HADHB: variants seen among roughly 807,000 people sequenced by gnomAD.
HADHB encodes trifunctional enzyme subunit beta, mitochondrial.
A neutral mutation model predicts 61.9 loss-of-function variants in HADHB; 50 were observed. The ratio of observed to expected loss-of-function variants is 0.81; its 90% confidence interval spans 0.64 to 1.02. The LOEUF is 1.02. HADHB is among the 50% of genes least tolerant of loss of function. HADHB has a pLI of 0.00. For synonymous variants in HADHB, 191 were observed against 201.6 expected (o/e 0.95, Z 0.45); for missense variants, 504 against 586.5 (o/e 0.86, Z 1.45).
At chr2:26,277,937 A>T (rs1024674623) in intron 7 of HADHB, among the ~76,000 whole-genome samples, 1 of 152,194 alleles carries the variant, frequency 6.6e-6, no homozygotes, top group Non-Finnish European at 1.5e-5. Context: ...CATCCTTGTC[A>T]TTTTTATAAA....
intron 3 of HADHB, among the ~76,000 whole-genome samples, chr2:26,263,128 C>G (rs1671926535): frequency 6.6e-6 from 1 of 151,716 alleles, no homozygotes. Flanking sequence ...GGTGAAACCC[C>G]ATCTCTACAA....
At chr2:26,282,802 G>C in intron 10 of HADHB, 43 bp from the exon 11 acceptor site, 1 of 1,417,842 alleles carries the variant, frequency 7.1e-7, no homozygotes, top group Non-Finnish European at 1.0e-6. Flanking sequence ...AAGACCTCCA[G>C]ACAGGCTGAA....
chr2:26,259,917 G>A (rs1671790347), intron 3 of HADHB, among the ~76,000 whole-genome samples: 1 of 152,144 alleles, frequency 6.6e-6, no homozygotes, highest in African/African-American at 2.4e-5. Context: ...GCTGACCTGA[G>A]CAAAGCTGTA....
chr2:26,261,013 G>A (rs1558345949), intron 3 of HADHB: 3 of 1,524,850 alleles, frequency 2.0e-6, no homozygotes, highest in East Asian at 2.4e-5. Context: ...TTGATCACTT[G>A]TAGGTAGATG....
At chr2:26,268,455 G>A (rs1672191380) in intron 4 of HADHB, among the ~76,000 whole-genome samples, 1 of 152,172 alleles carries the variant, frequency 6.6e-6, no homozygotes, top group Non-Finnish European at 1.5e-5. Context: ...CTTTATAGTG[G>A]AGTAAACTGG....
chr2:26,283,360 TAAAA>T (rs1421455252), intron 12 of HADHB, among the ~76,000 whole-genome samples: 1 of 152,000 alleles, frequency 6.6e-6, no homozygotes, highest in Non-Finnish European at 1.5e-5. Context: ...CTATCTCTAC[TAAAA>T]ATACAAAAAA....
At chr2:26,274,958 G>C (rs1486943146) in intron 6 of HADHB, among the ~76,000 whole-genome samples, 3 of 151,810 alleles carry the variant, frequency 2.0e-5, no homozygotes, top group African/African-American at 7.3e-5. Context: ...AAGCCATAAT[G>C]TTTTCCTCTG....
chr2:26,280,585 G>T (rs1672745201), intron 10 of HADHB, among the ~76,000 whole-genome samples: 1 of 152,132 alleles, frequency 6.6e-6, no homozygotes, highest in Admixed American at 6.5e-5. Context: ...GGGTGCGGTG[G>T]CTCACGCCTG....
intron 10 of HADHB, among the ~76,000 whole-genome samples, chr2:26,281,848 T>G (rs1672803907): frequency 6.6e-6 from 1 of 152,224 alleles, no homozygotes; most frequent in South Asian, 2.1e-4. Flanking sequence ...GTAGAACTTA[T>G]TTTGATTTTA....
intron 3 of HADHB, chr2:26,261,215 C>G (rs369508676): frequency 1.9e-5 from 9 of 469,922 alleles, no homozygotes; most frequent in African/African-American, 1.0e-4. Context: ...AACAAATACC[C>G]CCCCCCCATC....
chr2:26,279,398 T>A (rs1431148248), intron 9 of HADHB, 83 bp downstream of exon 9: 11 of 984,740 alleles, frequency 1.1e-5, no homozygotes, highest in Admixed American at 1.7e-5. Context: ...GATTTTTCCA[T>A]AAGTATGTTG....
At position 26,263,469 on chromosome 2, in the gene HADHB, T is replaced by C. The variant is rs373956954; in HGVS notation, c.199T>C (p.Ser67Pro). 5.7e-6 allele frequency: 9 copies of C among 1,591,690 alleles called. No individual in the cohort carries two copies. Among genetic ancestry groups the C allele is most frequent in the Non-Finnish European group, 7.8e-6 (9 of 1,159,672 alleles). ...VDGVRTPFLLSGTSYKDLMPH... is the reference protein window; with the variant it reads ...VDGVRTPFLLPGTSYKDLMPH... ...TGGTGTTCGCACTCCATTTTTGCTG[T>C]CTGGCACTTCGTAAGTATGACATGA... Residue 67 changes from serine to proline, a missense_variant, in exon 4 of 16, where the codon TCT (serine) becomes CCT (proline). Ser to Pro is a moderately conservative substitution (Grantham distance 74). Transcript: ENST00000317799.
At chr2:26,288,708 C>T (rs985366172) in intron 15 of HADHB, among the ~76,000 whole-genome samples, 1 of 151,042 alleles carries the variant, frequency 6.6e-6, no homozygotes, top group African/African-American at 2.4e-5. Context: ...GGCCCTGTTT[C>T]AAAAAAAACA....
chr2:26,288,656 C>T (rs1247422279), intron 15 of HADHB, among the ~76,000 whole-genome samples: 5 of 151,902 alleles, frequency 3.3e-5, no homozygotes, highest in East Asian at 1.9e-4. Flanking sequence ...CTGCAGTGAG[C>T]CGTGTTCAGG....
intron 4 of HADHB, among the ~76,000 whole-genome samples, chr2:26,264,625 A>ATG (rs111655977): frequency 0.15 from 22,730 of 150,444 alleles, 1,992 homozygotes; most frequent in Middle Eastern, 0.22. Flanking sequence ...AAAGATACAC[A>ATG]TGTGTGTGTG....
chr2:26,269,539 G>A (rs1032580838), intron 4 of HADHB, among the ~76,000 whole-genome samples: 2 of 152,032 alleles, frequency 1.3e-5, no homozygotes, highest in Non-Finnish European at 2.9e-5. Flanking sequence ...TTACTTAAAA[G>A]CAAAAAGTTT....
rs909957385 is a variant in HADHB at position 26,263,934 on chromosome 2, C to G, written c.209+455C>G. 2.6e-5 allele frequency among the ~76,000 whole-genome samples: 4 copies of G among 152,090 alleles called. No individual in the cohort carries two copies. In the East Asian group the frequency reaches 7.7e-4, roughly 29 times the overall value. Reference sequence around the variant, plus strand: ...CCAAACCCCCAGCATAGCACAACCCCAAGTGTGTGGGACCAGAATGGTCCT... The same window carrying G: ...CCAAACCCCCAGCATAGCACAACCCGAAGTGTGTGGGACCAGAATGGTCCT... On this transcript the variant is annotated intron_variant, in intron 4 of 15. Transcript: ENST00000317799.
chr2:26,265,585 A>G (rs55639333), intron 4 of HADHB, among the ~76,000 whole-genome samples: 30,662 of 151,946 alleles, frequency 0.2, 3,166 homozygotes, highest in Middle Eastern at 0.26. Flanking sequence ...GACAGAGCAA[A>G]ACTCCATCTC....
At chr2:26,270,730 A>G (rs558612804) in intron 5 of HADHB, among the ~76,000 whole-genome samples, 21 of 152,230 alleles carry the variant, frequency 1.4e-4, no homozygotes, top group African/African-American at 5.1e-4. Context: ...ATGATTGCTC[A>G]ATGTACTGAT....
Sources: allele counts gnomAD v4.1 joint callset (sites outside exome capture counted in the v4.1 genomes callset), GRCh38; gene constraint gnomAD v4.1.1; transcripts MANE v1.5; gene names NCBI Gene and HGNC (gene_info 2026-07-23, HGNC 2026-07-21).